Variants in CFDP1 observed in about 807,000 individuals in gnomAD.
The protein encoded by CFDP1 is heterochromatin-stabilizing protein CFDP1.
Under a neutral mutation model 40.1 loss-of-function variants are expected in CFDP1, and 31 were observed. The ratio of observed to expected loss-of-function variants is 0.77; its 90% CI spans 0.58 to 1.04. The LOEUF (loss-of-function observed/expected upper bound fraction) is 1.04. Among genes scored for constraint, CFDP1 ranks in the 50% least tolerant of loss-of-function variants. The probability of loss-of-function intolerance (pLI) is 0.00; values close to 1 mark genes in which losing one functional copy is unlikely to be tolerated. For missense variants in CFDP1, 423 were observed against 343.4 expected, an observed-to-expected ratio of 1.23 and a Z score of -1.83; for synonymous variants, 167 against 120.0, an observed-to-expected ratio of 1.39 and a Z score of -2.56.
chr16:75,428,307 C>T (rs1301038132), intron 1 of CFDP1, among the ~76,000 whole-genome samples: 1 of 152,034 alleles, frequency 6.6e-6, no homozygotes, highest in Admixed American at 6.6e-5. Flanking sequence ...AAAAGAAGAA[C>T]ATAATGCTAT....
chr16:75,422,912 G>A (rs756359753), intron 1 of CFDP1, among the ~76,000 whole-genome samples: 1 of 151,928 alleles, frequency 6.6e-6, no homozygotes, highest in Admixed American at 6.6e-5. Context: ...GGGAGGCTAA[G>A]GCAGGAAGAT....
chr16:75,319,244 A>G (rs2078345909), intron 5 of CFDP1, among the ~76,000 whole-genome samples: 1 of 151,850 alleles, frequency 6.6e-6, no homozygotes, highest in African/African-American at 2.4e-5. Context: ...GGGTTTCACC[A>G]TGTTGGCCAG....
At chr16:75,410,055 CAAAAAAAA>C (rs150987819) in intron 4 of CFDP1, among the ~76,000 whole-genome samples, 19 of 52,540 alleles carry the variant, frequency 3.6e-4, no homozygotes, top group Non-Finnish European at 4.6e-4. Flanking sequence ...GACCCTTTCT[CAAAAAAAA>C]AAAAAAAAAA....
At chr16:75,334,342 G>T (rs1261001916) in intron 5 of CFDP1, among the ~76,000 whole-genome samples, 2 of 151,490 alleles carry the variant, frequency 1.3e-5, no homozygotes, top group African/African-American at 4.9e-5. Context: ...CGGGAAAGAC[G>T]ATGGTAATGA....
intron 5 of CFDP1, among the ~76,000 whole-genome samples, chr16:75,338,137 G>A (rs746719186): frequency 6.6e-6 from 1 of 152,132 alleles, no homozygotes; most frequent in Admixed American, 6.5e-5. Flanking sequence ...TACTTCCACT[G>A]AACTCAATGG....
At chr16:75,397,206 G>A (rs373701642) in intron 4 of CFDP1, among the ~76,000 whole-genome samples, 38 of 151,102 alleles carry the variant, frequency 2.5e-4, no homozygotes, top group African/African-American at 4.1e-4. Context: ...GAGCCACTGC[G>A]CCCAGCGTTT....
intron 5 of CFDP1, among the ~76,000 whole-genome samples, chr16:75,370,043 G>C (rs2078740446): frequency 6.6e-6 from 1 of 151,646 alleles, no homozygotes; most frequent in Non-Finnish European, 1.5e-5. Flanking sequence ...AAAGTGTTGG[G>C]ATTACAGGCG....
At chr16:75,360,846 A>G (rs2078675689) in intron 5 of CFDP1, among the ~76,000 whole-genome samples, 1 of 152,242 alleles carries the variant, frequency 6.6e-6, no homozygotes, top group Admixed American at 6.5e-5. Flanking sequence ...AACAAACCAT[A>G]AAAATATTAC....
chr16:75,358,546 A>G (rs887710836), intron 5 of CFDP1, among the ~76,000 whole-genome samples: 4 of 152,220 alleles, frequency 2.6e-5, no homozygotes, highest in African/African-American at 9.7e-5. Context: ...AAGTGATCAT[A>G]AAGCACTTCT....
intron 1 of CFDP1, among the ~76,000 whole-genome samples, chr16:75,426,621 A>AACCTGCAAGCTCCGCCTCCC: frequency 6.6e-6 from 1 of 152,102 alleles, no homozygotes; most frequent in Non-Finnish European, 1.5e-5. Context: ...GGTTGCAGTG[A>AACCTGCAAGCTCCGCCTCCC]GGTGAAATCG....
chr16:75,419,108 A>G (rs919312905), intron 1 of CFDP1: 1 of 376,722 alleles, frequency 2.7e-6, no homozygotes, highest in African/African-American at 2.1e-5. Flanking sequence ...CGACTCATAA[A>G]AAATAAATAA....
intron 1 of CFDP1, among the ~76,000 whole-genome samples, chr16:75,425,477 ACTCT>A (rs2079329716): frequency 6.6e-6 from 1 of 151,826 alleles, no homozygotes; most frequent in Non-Finnish European, 1.5e-5. Flanking sequence ...AAGTTGGAGT[ACTCT>A]CTCTACCTGA....
At chr16:75,408,273 G>A (rs370444849) in intron 4 of CFDP1, among the ~76,000 whole-genome samples, 2 of 152,074 alleles carry the variant, frequency 1.3e-5, no homozygotes, top group Admixed American at 1.3e-4. Flanking sequence ...CTGATCCCAT[G>A]AAAATATCTC....
chr16:75,293,938 T>G lies in CFDP1; in HGVS notation c.*14A>C. On this transcript the variant is annotated 3_prime_UTR_variant, in exon 7 of 7. Transcript: ENST00000283882. ...GTAAACAGGATTAAGCTGCTCTTGA[T>G]TTAGCCCGTAACATCAAGGTTTCAT... is the stretch of plus-strand genomic sequence containing the variant. 2 of 1,609,576 alleles carry G rather than the reference T, an allele frequency of 1.2e-6. No homozygotes were observed. The highest frequency in any genetic ancestry group is 1.7e-6 in the Non-Finnish European group (2 of 1,176,074).
intron 5 of CFDP1, among the ~76,000 whole-genome samples, chr16:75,352,117 G>C (rs1472849486): frequency 6.6e-6 from 1 of 151,802 alleles, no homozygotes; most frequent in Non-Finnish European, 1.5e-5. Context: ...GAGGTGGGTG[G>C]ATTACTTGAG....
intron 5 of CFDP1, among the ~76,000 whole-genome samples, chr16:75,328,123 T>TA (rs2078417082): frequency 6.7e-6 from 1 of 148,416 alleles, no homozygotes; most frequent in Non-Finnish European, 1.5e-5. Context: ...AATCCTCTTC[T>TA]AAAACAGGAA....
At chr16:75,326,559 C>T (rs1390829677) in intron 5 of CFDP1, among the ~76,000 whole-genome samples, 1 of 152,222 alleles carries the variant, frequency 6.6e-6, no homozygotes, top group East Asian at 1.9e-4. Flanking sequence ...CTCTCTCGTT[C>T]AGTGGTCTGA....
intron 4 of CFDP1, among the ~76,000 whole-genome samples, chr16:75,399,796 C>G (rs2079032788): frequency 6.6e-6 from 1 of 152,060 alleles, no homozygotes; most frequent in African/African-American, 2.4e-5. Flanking sequence ...AAGACCCTAA[C>G]TCTACAAAAA....
At chr16:75,335,536 C>T (rs1400878024) in intron 5 of CFDP1, among the ~76,000 whole-genome samples, 3 of 151,454 alleles carry the variant, frequency 2.0e-5, no homozygotes, top group Non-Finnish European at 4.4e-5. Flanking sequence ...TATCTATAAG[C>T]ACTTTTGACA....
Sources: allele counts gnomAD v4.1 joint callset (sites outside exome capture counted in the v4.1 genomes callset), GRCh38; gene constraint gnomAD v4.1.1; transcripts MANE v1.5; gene names NCBI Gene and HGNC (gene_info 2026-07-23, HGNC 2026-07-21).